LRRC53: variants seen among roughly 807,000 people sequenced by gnomAD.
The protein encoded by LRRC53 is leucine-rich repeat-containing protein 53.
A neutral mutation model predicts 13.6 loss-of-function variants in LRRC53; 25 were observed. That is an observed-to-expected ratio of 1.83 (90% CI 1.34 to 2.56). The LOEUF (loss-of-function observed/expected upper bound fraction) is 2.56. LRRC53 is among the 30% of genes most tolerant of loss of function. LRRC53 has a pLI of 0.00. For missense variants in LRRC53, 527 were observed against 275.8 expected, an observed-to-expected ratio of 1.91 and a Z score of -6.45; for synonymous variants, 204 against 109.8, an observed-to-expected ratio of 1.86 and a Z score of -5.37.
rs1249488797 is a variant in LRRC53 at position 74,472,162 on chromosome 1, G to A, written c.1460C>T (p.Pro487Leu). The A allele has an allele frequency of 1.3e-5, 9 of 716,810 alleles. No homozygotes were observed. The highest frequency in any genetic ancestry group is 3.5e-5 in the African/African-American group (2 of 57,160). The allele number at this position is 716,810 out of a possible 1,614,324, so 44.4% of individuals were successfully genotyped here. A position where few individuals can be genotyped will look rare whatever the true frequency, so the allele number is the denominator to read the frequency against. Reference protein sequence around the residue: ...SDIFRRRYATPASALAGESLE... With the variant: ...SDIFRRRYATLASALAGESLE... ...ACTTTCTCCTGCCAAGGCTGAAGCG[G>A]GTGTTGCATATCTTCTTCTAAATAT... Residue 487 changes from proline (P) to leucine (L), a missense_variant, in exon 5 of 5, where the codon CCC (proline) becomes CTC (leucine). Physicochemically the swap from Pro to Leu is moderately conservative, Grantham distance 98. Coordinates refer to ENST00000294635, the MANE Select transcript of LRRC53 (RefSeq NM_001382280.1).
chr1:74,488,044 T>A (rs543931000), intron 1 of LRRC53, among the ~76,000 whole-genome samples: 2 of 151,292 alleles, frequency 1.3e-5, no homozygotes, highest in East Asian at 3.9e-4. Context: ...AACCCAGAGG[T>A]CAGGCTATTT....
chr1:74,505,988 C>G (rs1311962891), intron 1 of LRRC53, among the ~76,000 whole-genome samples: 1 of 152,162 alleles, frequency 6.6e-6, no homozygotes, highest in Non-Finnish European at 1.5e-5. Flanking sequence ...AAAATGAAAT[C>G]ACTTTTTGTT....
chr1:74,475,686 A>T lies in LRRC53; in HGVS notation c.1029T>A (p.His343Gln), dbSNP rs1329463845. ...CRTFDEPLCAHEARNYHTKGY... is the reference protein window; with the variant it reads ...CRTFDEPLCAQEARNYHTKGY... ...CCTTAGTGTGGTAATTTCTTGCCTC[A>T]TGAGCACACAGGGGTTCATCGAAGG... Residue 343 changes from histidine to glutamine, a missense_variant, in exon 4 of 5, where the codon CAT becomes CAA. Physicochemically the swap from His to Gln is conservative, Grantham distance 24. Coordinates refer to ENST00000294635, the MANE Select transcript of LRRC53 (RefSeq NM_001382280.1). The T allele has an allele frequency of 5.6e-6, 4 of 714,864 alleles. No individual in the cohort carries two copies. Among genetic ancestry groups the T allele is most frequent in the Non-Finnish European group, 7.8e-6 (3 of 383,944 alleles). The allele number at this position is 714,864 out of a possible 1,614,324, so 44.3% of individuals were successfully genotyped here.
the LRRC53 span, among the ~76,000 whole-genome samples, chr1:74,528,279 C>A: frequency 1.3e-5 from 2 of 152,056 alleles, no homozygotes; most frequent in Admixed American, 1.3e-4. Context: ...GTGCAAGGGG[C>A]TGGAGCCTGA....
the LRRC53 span, among the ~76,000 whole-genome samples, chr1:74,529,298 C>A: frequency 6.6e-6 from 1 of 152,040 alleles, no homozygotes; most frequent in African/African-American, 2.4e-5. Context: ...ATGAAAGAAA[C>A]AACATCCCTT....
At position 74,497,032 on chromosome 1, in the gene LRRC53, A is replaced by G. The variant is rs576950327; in HGVS notation, c.-26-13657T>C. On this transcript the variant is annotated intron_variant, in intron 1 of 4. Coordinates refer to ENST00000294635, the MANE Select transcript of LRRC53 (RefSeq NM_001382280.1). ...TGTAAAACAGATACATTTGGGATTA[A>G]TTTTTCACACTACAAAAGGGTCCAT... 2.5e-4 allele frequency among the ~76,000 whole-genome samples: 38 copies of G among 152,326 alleles called. 1 individual carries two copies. The South Asian group carries it at 7.0e-3, about 28-fold the overall frequency.
At chr1:74,516,701 G>C (rs534011741), upstream of LRRC53, among the ~76,000 whole-genome samples, 1 of 152,098 alleles carries the variant, frequency 6.6e-6, no homozygotes, top group Non-Finnish European at 1.5e-5. Context: ...GCTTGGTTGA[G>C]GATGGCTTGT....
chr1:74,479,678 G>A lies in LRRC53; in HGVS notation c.904+475C>T, dbSNP rs544188196. On this transcript the variant is annotated intron_variant, in intron 3 of 4. Transcript: ENST00000294635. ...AGCATCTCTTCGTCCATCTGTGAAA[G>A]CCCTCTGACTCTTACTATACACCAT... 2.6e-5 allele frequency among the ~76,000 whole-genome samples: 4 copies of A among 152,298 alleles called. No homozygotes were observed. The East Asian group carries it at 7.7e-4, about 29-fold the overall frequency.
Position 74,511,758 on chromosome 1 carries a change from C to T in LRRC53, c.-27+768G>A, listed in dbSNP as rs563482527. Among the ~76,000 whole-genome samples, 113 of 151,918 alleles carry T rather than the reference C, an allele frequency of 7.4e-4. 1 individual carries two copies. Among genetic ancestry groups the T allele is most frequent in the Non-Finnish European group, 2.2e-4 (15 of 68,020 alleles). On this transcript the variant is annotated intron_variant, in intron 1 of 4. Coordinates refer to ENST00000294635, the MANE Select transcript of LRRC53 (RefSeq NM_001382280.1). ...TGAGCCTGAGAAGAGTCAAGGTAGG[C>T]TTCCCAAAAGCCATCCCGTTTCACT...
chr1:74,484,776 C>G (rs1354681226), intron 1 of LRRC53, among the ~76,000 whole-genome samples: 2 of 151,984 alleles, frequency 1.3e-5, no homozygotes, highest in Admixed American at 1.3e-4. Context: ...AAAGACATAG[C>G]GTTTTAACCC....
chr1:74,486,564 GA>G (rs1268231673), intron 1 of LRRC53, among the ~76,000 whole-genome samples: 3 of 150,668 alleles, frequency 2.0e-5, no homozygotes, highest in Non-Finnish European at 2.9e-5. Context: ...ACTGAAATGG[GA>G]AAGGCTATAA....
chr1:74,480,872 A>T lies in LRRC53; in HGVS notation c.185T>A (p.Leu62His), dbSNP rs1668462520. 1.4e-6 allele frequency: 1 copy of T among 717,284 alleles called. No homozygotes were observed. Among genetic ancestry groups the T allele is most frequent in the Admixed American group, 2.0e-5 (1 of 49,972 alleles). The allele number at this position is 717,284 out of a possible 1,614,324, so 44.4% of individuals were successfully genotyped here. ...CTCGATACCATTTCTGCTTAGGGAG[A>T]GCAGGGCAAGATTAAACAAGAGAGA... is the stretch of plus-strand genomic sequence containing the variant. ...NLSLLFNLAL[L>H]SLSRNGIEDV... Residue 62 changes from leucine (L) to histidine (H), a missense_variant, in exon 3 of 5, where the codon CTC becomes CAC. Physicochemically the swap from Leu to His is moderately conservative, Grantham distance 99. Transcript: ENST00000294635.
intron 1 of LRRC53, among the ~76,000 whole-genome samples, chr1:74,504,505 C>A (rs746120149): frequency 1.3e-5 from 2 of 152,056 alleles, no homozygotes; most frequent in Non-Finnish European, 2.9e-5. Context: ...TTTGAAACAG[C>A]CTTTCGCCAT....
chr1:74,518,877 T>C, the LRRC53 span, among the ~76,000 whole-genome samples: 1 of 91,312 alleles, frequency 1.1e-5, no homozygotes, highest in African/African-American at 9.8e-5. Flanking sequence ...TTTTCCCCTT[T>C]TTTTTTTTTT....
In LRRC53 at chr1:74,474,929, C is replaced by T. The variant is rs963516911; in HGVS notation, c.1420+366G>A. ...TTACTGCAGAATTGGCATTAGAGCT[C>T]GAAGGATGTTGGAATAAAAGCTGAT... On this transcript the variant is annotated intron_variant, in intron 4 of 4. Coordinates refer to ENST00000294635, the MANE Select transcript of LRRC53 (RefSeq NM_001382280.1). 1.5e-4 allele frequency among the ~76,000 whole-genome samples: 23 copies of T among 151,882 alleles called. 1 individual carries two copies. The highest frequency in any genetic ancestry group is 5.6e-4 in the African/African-American group (23 of 41,338).
Position 74,483,257 on chromosome 1 carries a change from A to G in LRRC53, c.88+5T>C, listed in dbSNP as rs1338022071. On this transcript the variant is annotated splice_donor_5th_base_variant and intron_variant, in intron 2 of 4. Coordinates refer to ENST00000294635, the MANE Select transcript of LRRC53 (RefSeq NM_001382280.1). ...ACTGCTTTTTAGAGTTATTAGTTTTATTACCTACTATATAGGTTAGCTGGT... is the reference window on the plus strand; with the variant it reads ...ACTGCTTTTTAGAGTTATTAGTTTTGTTACCTACTATATAGGTTAGCTGGT... The G allele has an allele frequency of 1.4e-6, 1 of 716,984 alleles. No homozygotes were observed. Among genetic ancestry groups the G allele is most frequent in the East Asian group, 2.7e-5 (1 of 37,288 alleles). The allele number at this position is 716,984 out of a possible 1,614,324, so 44.4% of individuals were successfully genotyped here.
At position 74,470,275 on chromosome 1, in the gene LRRC53, C is replaced by T. The variant is rs1292071755; in HGVS notation, c.3347G>A (p.Trp1116Ter). The T allele has an allele frequency of 2.5e-6, 1 of 400,542 alleles. No homozygotes were observed. The highest frequency in any genetic ancestry group is 4.4e-5 in the Admixed American group (1 of 22,702). 24.8% of individuals were successfully genotyped at this position (400,542 alleles called of 1,614,324 possible). A position where few individuals can be genotyped will look rare whatever the true frequency, so the allele number is the denominator to read the frequency against. ...ATATTTTTCACTTGTTCCATTTTCC[C>T]AAGTTTGCTGCCTTTCTTTTGTGAT... ...KGITKERQQT[W>*]ENGTSEKYIL... Residue 1116 changes from tryptophan to a stop codon, truncating the protein, a stop_gained, in exon 5 of 5, where the codon TGG becomes TAG. Transcript: ENST00000294635. LOFTEE classifies it low-confidence loss of function (END_TRUNC).
chr1:74,475,897 T>G (rs374764898), intron 3 of LRRC53, 87 bp from the exon 4 acceptor site: 9 of 515,280 alleles, frequency 1.7e-5, no homozygotes, highest in African/African-American at 1.6e-4. Context: ...AATATAAAGG[T>G]TAATGGCTTG....
intron 1 of LRRC53, among the ~76,000 whole-genome samples, chr1:74,508,052 C>T (rs1013924192): frequency 6.6e-5 from 10 of 151,838 alleles, no homozygotes; most frequent in South Asian, 2.1e-4. Context: ...TATACAATGA[C>T]GGGCACACGA....
Sources: allele counts gnomAD v4.1 joint callset (sites outside exome capture counted in the v4.1 genomes callset), GRCh38; gene constraint gnomAD v4.1.1; transcripts MANE v1.5; gene names NCBI Gene and HGNC (gene_info 2026-07-23, HGNC 2026-07-21).